DPP4: variants seen among roughly 807,000 people sequenced by gnomAD.
DPP4 encodes the protein ADCP-2.
A neutral mutation model predicts 122.4 loss-of-function variants in DPP4; 93 were observed. The observed-to-expected ratio is 0.76, with a 90% confidence interval of 0.64 to 0.90. The LOEUF (loss-of-function observed/expected upper bound fraction) is 0.90. Ranked by LOEUF, DPP4 falls within the 40% of genes least tolerant of loss-of-function variation. DPP4 has a pLI of 0.00. For missense variants in DPP4, 914 were observed against 907.3 expected (o/e 1.01, Z -0.09); for synonymous variants, 321 against 302.9 (o/e 1.06, Z -0.62).
At chr2:162,018,959 C>G (rs1683020618) in intron 15 of DPP4, 109 bp from the exon 16 acceptor site, 2 of 1,368,548 alleles carry the variant, frequency 1.5e-6, no homozygotes, top group Non-Finnish European at 2.0e-6. Context: ...CCAACGCAAT[C>G]TTTAGGACTT....
chr2:161,992,980 G>A lies in DPP4; in HGVS notation c.*303C>T. The A allele has an allele frequency of 3.5e-6, 1 of 285,894 alleles. No individual in the cohort carries two copies. The highest frequency in any genetic ancestry group is 4.5e-5 in the South Asian group (1 of 22,222). The allele number at this position is 285,894 out of a possible 1,614,324, so 17.7% of individuals were successfully genotyped here. A position where few individuals can be genotyped will look rare whatever the true frequency, so the allele number is the denominator to read the frequency against. Reference sequence around the variant, plus strand: ...GAAAAAGATTAAAATCCTGCTCAGGGAATCTATGCAAAGCCTCCATAAAAA... The same window carrying A: ...GAAAAAGATTAAAATCCTGCTCAGGAAATCTATGCAAAGCCTCCATAAAAA... On this transcript the variant is annotated 3_prime_UTR_variant, in exon 26 of 26. Transcript: ENST00000360534.
At chr2:162,029,754 A>C (rs2106113195) in intron 10 of DPP4, among the ~76,000 whole-genome samples, 1 of 152,264 alleles carries the variant, frequency 6.6e-6, no homozygotes, top group Admixed American at 6.5e-5. Context: ...GCCATTCAAC[A>C]GATGTTGGGT....
intron 10 of DPP4, chr2:162,032,035 C>T (rs1683566568): frequency 6.6e-6 from 1 of 152,148 alleles, no homozygotes; most frequent in African/African-American, 2.4e-5. Context: ...AATTACTAAC[C>T]ACGGAGCACA....
At chr2:162,066,782 G>T (rs1303756974) in intron 2 of DPP4, among the ~76,000 whole-genome samples, 1 of 152,328 alleles carries the variant, frequency 6.6e-6, no homozygotes, top group Non-Finnish European at 1.5e-5. Flanking sequence ...GTGAAGGGGA[G>T]GCTGGCATGT....
rs1395785615 is a variant in DPP4, at chr2:161,993,078, A to C, written c.*205T>G. On this transcript the variant is annotated 3_prime_UTR_variant, in exon 26 of 26. Transcript: ENST00000360534. ...CAATAAAACCCGACCGGATAATTCA[A>C]ACTTCTGTAAGGTAATAATCTGTTG... is the stretch of plus-strand genomic sequence containing the variant. 3 of 456,350 alleles carry C rather than the reference A, an allele frequency of 6.6e-6. No homozygotes were observed. Among genetic ancestry groups the C allele is most frequent in the Non-Finnish European group, 4.0e-6 (1 of 252,966 alleles). The allele number at this position is 456,350 out of a possible 1,614,324, so 28.3% of individuals were successfully genotyped here. A position where few individuals can be genotyped will look rare whatever the true frequency, so the allele number is the denominator to read the frequency against.
intron 5 of DPP4, 114 bp from the exon 6 acceptor site, chr2:162,039,298 T>G (rs1683905216): frequency 1.2e-6 from 1 of 868,266 alleles, no homozygotes; most frequent in African/African-American, 1.7e-5. Context: ...TTCTCACATG[T>G]TATCATATCT....
At chr2:162,034,555 G>A (rs752221929) in intron 9 of DPP4, among the ~76,000 whole-genome samples, 11 of 152,142 alleles carry the variant, frequency 7.2e-5, no homozygotes, top group African/African-American at 2.4e-5. Context: ...TACGGTACTA[G>A]TGAAGAATTC....
chr2:162,029,438 C>T (rs911519869), intron 10 of DPP4, among the ~76,000 whole-genome samples: 1 of 152,220 alleles, frequency 6.6e-6, no homozygotes, highest in African/African-American at 2.4e-5. Context: ...GGATGCCAAC[C>T]CTCCCAGGTT....
intron 22 of DPP4, among the ~76,000 whole-genome samples, chr2:162,007,166 GAC>G (rs1297036573): frequency 2.0e-5 from 3 of 151,888 alleles, no homozygotes; most frequent in African/African-American, 7.3e-5. Flanking sequence ...TATTTTAAAA[GAC>G]ACTTTAAAAT....
At chr2:162,048,014 C>T (rs1366853008) in intron 2 of DPP4, among the ~76,000 whole-genome samples, 1 of 152,030 alleles carries the variant, frequency 6.6e-6, no homozygotes, top group South Asian at 2.1e-4. Flanking sequence ...CATTTTAAGT[C>T]AATAGTTATG....
At chr2:162,017,017 G>A in intron 17 of DPP4, 91 bp downstream of exon 17, 4 of 1,479,388 alleles carry the variant, frequency 2.7e-6, no homozygotes, top group Non-Finnish European at 3.7e-6. Flanking sequence ...AAGACACAAA[G>A]CCAAAGAAAA....
chr2:162,069,835 T>C (rs1685057695), intron 2 of DPP4, among the ~76,000 whole-genome samples: 1 of 152,194 alleles, frequency 6.6e-6, no homozygotes, highest in Non-Finnish European at 1.5e-5. Flanking sequence ...TTATTACTGA[T>C]GGATGGGTGA....
At position 162,026,580 on chromosome 2, in the gene DPP4, G is replaced by A. The variant is rs73007392; in HGVS notation, c.888-1641C>T. Reference sequence around the variant, plus strand: ...TTGGCCTAAATGTCCCCTCATCCACGATGTCTTCTTGGAAACCTCCTTCTC... The same window carrying A: ...TTGGCCTAAATGTCCCCTCATCCACAATGTCTTCTTGGAAACCTCCTTCTC... On this transcript the variant is annotated intron_variant, in intron 10 of 25. Coordinates refer to ENST00000360534, the MANE Select transcript of DPP4 (RefSeq NM_001935.4). Among the ~76,000 whole-genome samples, 1,509 of 152,170 alleles carry A rather than the reference G, an allele frequency of 9.9e-3. 29 individuals carry two copies. The highest frequency in any genetic ancestry group is 0.034 in the African/African-American group (1,431 of 41,504).
intron 5 of DPP4, among the ~76,000 whole-genome samples, chr2:162,043,944 G>C (rs1034106960): frequency 6.6e-6 from 1 of 152,050 alleles, no homozygotes; most frequent in African/African-American, 2.4e-5. Context: ...AGGAGGATTA[G>C]TCAAGCCCAA....
intron 16 of DPP4, 120 bp from the exon 17 acceptor site, chr2:162,017,275 A>G: frequency 1.3e-6 from 1 of 799,290 alleles, no homozygotes; most frequent in Non-Finnish European, 2.0e-6. Flanking sequence ...TATAAATATT[A>G]TAATGCATAA....
chr2:162,053,023 T>C (rs1394960412), intron 2 of DPP4, among the ~76,000 whole-genome samples: 1 of 152,220 alleles, frequency 6.6e-6, no homozygotes, highest in Non-Finnish European at 1.5e-5. Flanking sequence ...GCTGAATGGT[T>C]TCTCCTGACA....
At chr2:162,057,544 C>A (rs1241361235) in intron 2 of DPP4, among the ~76,000 whole-genome samples, 3 of 152,182 alleles carry the variant, frequency 2.0e-5, no homozygotes, top group Non-Finnish European at 4.4e-5. Context: ...CCAGCAGTAG[C>A]ACCTGCTCCA....
At chr2:161,999,668 T>C (rs1701095942) in intron 23 of DPP4, among the ~76,000 whole-genome samples, 1 of 152,150 alleles carries the variant, frequency 6.6e-6, no homozygotes, top group Non-Finnish European at 1.5e-5. Flanking sequence ...TCAGTTACCT[T>C]CCAACAAATA....
rs766132051 is a variant in DPP4 at position 161,993,369 on chromosome 2, C to G, written c.2215G>C (p.Asp739His). The G allele has an allele frequency of 1.9e-6, 3 of 1,611,698 alleles. No individual in the cohort carries two copies. The highest frequency in any genetic ancestry group is 2.5e-6 in the Non-Finnish European group (3 of 1,178,316). ...GCTGTGCTGCTAGCTATTCCATGGT[C>G]TTCATCAGTATACCACTAGAGAGAG... The part of the protein sequence containing the change: ...DFQAMWYTDE[D>H]HGIASSTAHQ... The change falls in exon 26 of 26, where the codon GAC becomes CAC. Residue 739 changes from aspartate to histidine, a missense_variant. By Grantham distance (81) the Asp-to-His change is moderately conservative. Coordinates refer to ENST00000360534, the MANE Select transcript of DPP4 (RefSeq NM_001935.4).
Sources: gnomAD v4.1 joint callset for allele counts (sites outside exome capture counted in the v4.1 genomes callset) on GRCh38, gnomAD v4.1.1 for gene constraint, MANE v1.5 for transcripts, NCBI Gene and HGNC (gene_info 2026-07-23, HGNC 2026-07-21) for gene names.